Variants in PRKCQ observed in about 807,000 individuals in gnomAD.
The protein encoded by PRKCQ is protein kinase C theta type.
Under a neutral mutation model 91.2 loss-of-function variants are expected in PRKCQ, and 41 were observed. The ratio of observed to expected loss-of-function variants is 0.45; its 90% confidence interval spans 0.35 to 0.58. The LOEUF (loss-of-function observed/expected upper bound fraction) is 0.58, where lower values mean the gene tolerates loss of function less well. PRKCQ is among the 20% of genes least tolerant of loss of function. The probability of loss-of-function intolerance (pLI) is 0.00; values close to 1 mark genes in which losing one functional copy is unlikely to be tolerated. For synonymous variants in PRKCQ, 307 were observed against 316.9 expected (o/e 0.97, Z 0.33); for missense variants, 673 against 896.5 (o/e 0.75, Z 3.18).
At chr10:6,547,008 G>C (rs1839975853) in intron 1 of PRKCQ, among the ~76,000 whole-genome samples, 1 of 152,058 alleles carries the variant, frequency 6.6e-6, no homozygotes, top group Admixed American at 6.6e-5. Flanking sequence ...TTTTGTCTTT[G>C]GTTCTGTTTA....
intron 16 of PRKCQ, among the ~76,000 whole-genome samples, chr10:6,432,988 C>G (rs1448049784): frequency 6.6e-6 from 1 of 152,084 alleles, no homozygotes; most frequent in Non-Finnish European, 1.5e-5. Context: ...CTTTGATTAC[C>G]TCCCCTGACA....
At chr10:6,471,587 C>T (rs1207049968) in intron 12 of PRKCQ, among the ~76,000 whole-genome samples, 1 of 144,976 alleles carries the variant, frequency 6.9e-6, no homozygotes, top group Non-Finnish European at 1.5e-5. Context: ...TACTAAAATA[C>T]CAAGAAAAAA....
chr10:6,547,030 A>G (rs2130926798), intron 1 of PRKCQ, among the ~76,000 whole-genome samples: 1 of 152,320 alleles, frequency 6.6e-6, no homozygotes, highest in Non-Finnish European at 1.5e-5. Flanking sequence ...ACGCTGGATT[A>G]CATTTATTGA....
At chr10:6,426,692 CTTATA>C (rs1483121094), downstream of PRKCQ, among the ~76,000 whole-genome samples, 14 of 152,156 alleles carry the variant, frequency 9.2e-5, no homozygotes, top group African/African-American at 2.9e-4. Context: ...CAACAGTCTG[CTTATA>C]TTAATTATTC....
At chr10:6,509,928 C>A (rs1176350310) in intron 3 of PRKCQ, among the ~76,000 whole-genome samples, 1 of 152,140 alleles carries the variant, frequency 6.6e-6, no homozygotes, top group Non-Finnish European at 1.5e-5. Flanking sequence ...ACACAAAAAC[C>A]TAGTTTTTAG....
intron 1 of PRKCQ, among the ~76,000 whole-genome samples, chr10:6,542,735 T>A (rs1168725389): frequency 1.3e-5 from 2 of 152,118 alleles, no homozygotes; most frequent in Non-Finnish European, 2.9e-5. Context: ...AATATTAAAT[T>A]TGACGTTACG....
intron 16 of PRKCQ, among the ~76,000 whole-genome samples, chr10:6,437,768 C>T (rs1833772921): frequency 6.6e-6 from 1 of 152,042 alleles, no homozygotes; most frequent in Non-Finnish European, 1.5e-5. Flanking sequence ...TTTCCTGCCT[C>T]AGCCTCCCAA....
chr10:6,432,348 C>A (rs1833465062), intron 16 of PRKCQ, among the ~76,000 whole-genome samples: 1 of 152,094 alleles, frequency 6.6e-6, no homozygotes, highest in African/African-American at 2.4e-5. Context: ...AATATAAAGA[C>A]CAAACAACAT....
chr10:6,472,719 T>C (rs886218190), intron 12 of PRKCQ, among the ~76,000 whole-genome samples: 5 of 152,220 alleles, frequency 3.3e-5, no homozygotes, highest in African/African-American at 1.2e-4. Context: ...CTTTTATTCT[T>C]TTTTTCTTTT....
intron 15 of PRKCQ, among the ~76,000 whole-genome samples, chr10:6,451,466 A>G (rs999716768): frequency 1.8e-4 from 28 of 152,220 alleles, no homozygotes; most frequent in African/African-American, 6.8e-4. Flanking sequence ...GTCTAGGACC[A>G]GATGGATCCA....
intron 1 of PRKCQ, among the ~76,000 whole-genome samples, chr10:6,538,085 C>T (rs1274664861): frequency 1.3e-5 from 2 of 152,246 alleles, no homozygotes; most frequent in African/African-American, 4.8e-5. Flanking sequence ...AAGGCTCCTG[C>T]TGGCTTCCCC....
intron 12 of PRKCQ, among the ~76,000 whole-genome samples, chr10:6,467,389 CAGAG>C (rs1160599680): frequency 0.07 from 1,920 of 27,594 alleles, 99 homozygotes; most frequent in African/African-American, 0.091. Context: ...GAGAGACAGA[CAGAG>C]AGAGAGAGAG....
intron 12 of PRKCQ, 48 bp downstream of exon 12, chr10:6,478,944 C>T: frequency 1.9e-6 from 3 of 1,599,006 alleles, no homozygotes; most frequent in Non-Finnish European, 2.6e-6. Context: ...AGGTATCATG[C>T]TGAGACAGGT....
intron 7 of PRKCQ, among the ~76,000 whole-genome samples, chr10:6,495,267 G>A (rs1837526633): frequency 6.6e-6 from 1 of 152,148 alleles, no homozygotes; most frequent in South Asian, 2.1e-4. Flanking sequence ...CATTTTTCCA[G>A]GCTCCAAAGA....
chr10:6,492,444 T>A (rs1219019951), intron 7 of PRKCQ, among the ~76,000 whole-genome samples: 1 of 152,180 alleles, frequency 6.6e-6, no homozygotes, highest in Admixed American at 6.5e-5. Flanking sequence ...ATCCTCAGAA[T>A]ACCCCTTTTG....
At chr10:6,404,532 C>A in the PRKCQ span, among the ~76,000 whole-genome samples, 1 of 145,026 alleles carries the variant, frequency 6.9e-6, no homozygotes, top group African/African-American at 2.5e-5. Flanking sequence ...CTCCTTCCTT[C>A]CTTCCCTTCC....
At chr10:6,416,260 G>A in the PRKCQ span, among the ~76,000 whole-genome samples, 1 of 151,584 alleles carries the variant, frequency 6.6e-6, no homozygotes, top group South Asian at 2.1e-4. Flanking sequence ...GGTGGTTTTT[G>A]GTTACATGGA....
intron 4 of PRKCQ, among the ~76,000 whole-genome samples, chr10:6,506,438 G>GT (rs1211917915): frequency 1.3e-5 from 2 of 152,236 alleles, no homozygotes; most frequent in Non-Finnish European, 2.9e-5. Context: ...CTATTCACTG[G>GT]TTTTTCTTCA....
chr10:6,426,659 G>T (rs1220854199), downstream of PRKCQ, among the ~76,000 whole-genome samples: 1 of 152,152 alleles, frequency 6.6e-6, no homozygotes, highest in Non-Finnish European at 1.5e-5. Context: ...TCAGGAAAAT[G>T]TTCCAGCACA....
Sources: allele counts gnomAD v4.1 joint callset (sites outside exome capture counted in the v4.1 genomes callset), GRCh38; gene constraint gnomAD v4.1.1; transcripts MANE v1.5; gene names NCBI Gene and HGNC (gene_info 2026-07-23, HGNC 2026-07-21).